IL17RD: variants seen among roughly 807,000 people sequenced by gnomAD.
IL17RD encodes interleukin 17 receptor D, also known as interleukin-17 receptor D.
IL17RD carries 52 observed loss-of-function variants against 80.5 expected under a neutral mutation model. The observed-to-expected ratio is 0.65, with a 90% CI of 0.52 to 0.81. The LOEUF is 0.81. Ranked by LOEUF, IL17RD falls within the 40% of genes least tolerant of loss-of-function variation. IL17RD has a pLI of 0.00. For missense variants in IL17RD, 1,024 were observed against 955.1 expected (o/e 1.07, Z -0.95); for synonymous variants, 416 against 391.8 (o/e 1.06, Z -0.73).
At chr3:57,116,237 C>T (rs553114694) in intron 2 of IL17RD, among the ~76,000 whole-genome samples, 43 of 152,058 alleles carry the variant, frequency 2.8e-4, no homozygotes, top group African/African-American at 8.9e-4. Flanking sequence ...CACTCAACTC[C>T]GTCAGCTTCA....
chr3:57,129,767 C>T (rs932439567), intron 1 of IL17RD, among the ~76,000 whole-genome samples: 4 of 152,118 alleles, frequency 2.6e-5, no homozygotes, highest in Non-Finnish European at 4.4e-5. Context: ...TTCTGTCAGC[C>T]GATTAAGTCT....
intron 1 of IL17RD, chr3:57,142,588 T>C: frequency 7.5e-6 from 7 of 934,232 alleles, no homozygotes; most frequent in South Asian, 1.4e-5. Context: ...ACCGCTGTGT[T>C]GGTGTCGCCA....
intron 1 of IL17RD, among the ~76,000 whole-genome samples, chr3:57,146,046 C>G (rs1707922757): frequency 9.1e-6 from 1 of 110,098 alleles, no homozygotes; most frequent in Non-Finnish European, 2.0e-5. Context: ...CGCGCGCGCG[C>G]ACACACACAC....
intron 1 of IL17RD, among the ~76,000 whole-genome samples, chr3:57,157,392 T>C (rs1350440045): frequency 6.6e-6 from 1 of 152,018 alleles, no homozygotes; most frequent in Non-Finnish European, 1.5e-5. Context: ...AGGCCCCTAC[T>C]CCTTTGTCTT....
intron 1 of IL17RD, among the ~76,000 whole-genome samples, chr3:57,164,017 C>CCCA (rs1397279688): frequency 1.3e-5 from 2 of 152,180 alleles, no homozygotes; most frequent in Non-Finnish European, 2.9e-5. Flanking sequence ...TTTAGAGCCA[C>CCCA]CCAGAAGAGG....
intron 3 of IL17RD, 54 bp from the exon 4 acceptor site, chr3:57,110,365 A>G: frequency 6.5e-7 from 1 of 1,533,322 alleles, no homozygotes; most frequent in Non-Finnish European, 8.8e-7. Context: ...TTCTGAACAC[A>G]CTCTTCTTCC....
At chr3:57,101,910 C>G (rs1164876674) in intron 10 of IL17RD, among the ~76,000 whole-genome samples, 1 of 152,132 alleles carries the variant, frequency 6.6e-6, no homozygotes, top group Non-Finnish European at 1.5e-5. Flanking sequence ...TACCTATATC[C>G]TTACTTATAC....
In IL17RD at chr3:57,098,666, A is replaced by G. The variant is rs535746506; in HGVS notation, c.1165-128T>C. The stretch of plus-strand genomic sequence containing the variant: ...CCCCTTAACCCTTATTAGCACAGCT[A>G]TGTGCAGGCTCCAGGTTACACCATA... On this transcript the variant is annotated intron_variant, in intron 11 of 12. Coordinates refer to ENST00000296318, the MANE Select transcript of IL17RD (RefSeq NM_017563.5). 42 of 673,084 alleles carry G rather than the reference A, an allele frequency of 6.2e-5. No homozygotes were observed. The East Asian group carries it at 9.3e-4, about 15-fold the overall frequency. 41.7% of individuals were successfully genotyped at this position (673,084 alleles called of 1,614,324 possible). A position where few individuals can be genotyped will look rare whatever the true frequency, so the allele number is the denominator to read the frequency against.
intron 1 of IL17RD, among the ~76,000 whole-genome samples, chr3:57,138,663 C>G (rs984905694): frequency 6.6e-6 from 1 of 151,936 alleles, no homozygotes; most frequent in Non-Finnish European, 1.5e-5. Flanking sequence ...GGGCCAGGTG[C>G]GGTGGCTCAC....
intron 1 of IL17RD, among the ~76,000 whole-genome samples, chr3:57,155,017 T>A (rs2060257968): frequency 6.6e-6 from 1 of 152,078 alleles, no homozygotes; most frequent in Non-Finnish European, 1.5e-5. Flanking sequence ...AGGCAAGGCA[T>A]GAAAATCAAA....
chr3:57,122,885 G>A (rs965264737), intron 1 of IL17RD, among the ~76,000 whole-genome samples: 2 of 151,796 alleles, frequency 1.3e-5, no homozygotes, highest in Admixed American at 1.3e-4. Context: ...TAGTGCATAG[G>A]GACCCTGGCG....
chr3:57,127,712 TTC>T (rs1707525445), intron 1 of IL17RD, among the ~76,000 whole-genome samples: 1 of 152,008 alleles, frequency 6.6e-6, no homozygotes, highest in African/African-American at 2.4e-5. Context: ...CAGCCATACT[TTC>T]TGTTTTTCTA....
At chr3:57,164,503 T>A (rs768242230) in intron 1 of IL17RD, among the ~76,000 whole-genome samples, 7 of 152,124 alleles carry the variant, frequency 4.6e-5, no homozygotes, top group Non-Finnish European at 8.8e-5. Context: ...CGGAAAAATA[T>A]CCGCAACTCG....
At chr3:57,123,855 C>G (rs1707391463) in intron 1 of IL17RD, among the ~76,000 whole-genome samples, 1 of 152,074 alleles carries the variant, frequency 6.6e-6, no homozygotes, top group Admixed American at 6.6e-5. Context: ...ACCAGCCTGA[C>G]CAACATGGTG....
chr3:57,148,863 C>A (rs1707992437), intron 1 of IL17RD, among the ~76,000 whole-genome samples: 1 of 152,174 alleles, frequency 6.6e-6, no homozygotes, highest in Non-Finnish European at 1.5e-5. Context: ...GCTCACCTGG[C>A]CCCTCTGATG....
chr3:57,105,552 A>AAAAAAAATATATATATATATATAT, intron 7 of IL17RD, among the ~76,000 whole-genome samples: 6 of 63,576 alleles, frequency 9.4e-5, no homozygotes, highest in African/African-American at 5.6e-4. Flanking sequence ...AAAAAAAAAA[A>AAAAAAAATATATATATATATATAT]ATATATATAT....
In IL17RD at chr3:57,120,252, T is replaced by C. The variant is rs767884132; in HGVS notation, c.184+4A>G. 6 of 1,608,886 alleles carry C rather than the reference T, an allele frequency of 3.7e-6. No homozygotes were observed. Among genetic ancestry groups the C allele is most frequent in the Non-Finnish European group, 5.1e-6 (6 of 1,175,186 alleles). On this transcript the variant is annotated splice_donor_region_variant and intron_variant, in intron 2 of 12. Coordinates refer to ENST00000296318, the MANE Select transcript of IL17RD (RefSeq NM_017563.5). ...ATTCTTCAGCAATAAAGGCGGTTAC[T>C]TACTGTCATATTTGAAGGTGATGTT... is the stretch of plus-strand genomic sequence containing the variant.
At chr3:57,107,087 G>A (rs571751745) in intron 5 of IL17RD, among the ~76,000 whole-genome samples, 1 of 152,218 alleles carries the variant, frequency 6.6e-6, no homozygotes, top group African/African-American at 2.4e-5. Flanking sequence ...TTTATTTTAA[G>A]AATTATGAGG....
At chr3:57,120,702 G>A (rs935923596) in intron 1 of IL17RD, among the ~76,000 whole-genome samples, 4 of 152,138 alleles carry the variant, frequency 2.6e-5, no homozygotes, top group African/African-American at 9.7e-5. Flanking sequence ...TACTCCAGAC[G>A]CCCTCATCCG....
Sources: allele counts gnomAD v4.1 joint callset (sites outside exome capture counted in the v4.1 genomes callset), GRCh38; gene constraint gnomAD v4.1.1; transcripts MANE v1.5; gene names NCBI Gene and HGNC (gene_info 2026-07-23, HGNC 2026-07-21).